The following PRKAR1A variants were observed in gnomAD, a reference collection of about 807,000 sequenced individuals.
The protein encoded by PRKAR1A is protein kinase cAMP-dependent type I regulatory subunit alpha.
A neutral mutation model predicts 52.0 loss-of-function variants in PRKAR1A; 3 were observed. That is an observed-to-expected ratio of 0.06 (90% CI 0.03 to 0.15). PRKAR1A has a LOEUF of 0.15. Among genes scored for constraint, PRKAR1A ranks in the 10% least tolerant of loss-of-function variants. The probability of loss-of-function intolerance (pLI) is 1.00; values close to 1 mark genes in which losing one functional copy is unlikely to be tolerated. For missense variants in PRKAR1A, 240 were observed against 477.4 expected (o/e 0.50, Z 4.63); for synonymous variants, 188 against 168.4 (o/e 1.12, Z -0.90).
the PRKAR1A span, chr17:68,426,253 G>GGCCCCCCCC: frequency 1.2e-6 from 1 of 841,012 alleles, no homozygotes; most frequent in East Asian, 3.4e-5. Flanking sequence ...GGGGAGCGGG[G>GGCCCCCCCC]GCTCAAATAA....
Position 68,530,789 on chromosome 17 carries a change from G to A in PRKAR1A, c.*340G>A. The A allele has an allele frequency of 1.6e-6, 2 of 1,266,786 alleles. No individual in the cohort carries two copies. Among genetic ancestry groups the A allele is most frequent in the Non-Finnish European group, 2.0e-6 (2 of 995,306 alleles). 78.5% of individuals were successfully genotyped at this position (1,266,786 alleles called of 1,614,324 possible). On this transcript the variant is annotated 3_prime_UTR_variant, in exon 11 of 11. Coordinates refer to ENST00000589228, the MANE Select transcript of PRKAR1A (RefSeq NM_002734.5). ...ATTACCATAGAGTAATGATGTAACA[G>A]TGCAAGATTTTTTTTTTAAGTGACA...
the PRKAR1A span, chr17:68,424,306 C>A: frequency 2.4e-6 from 1 of 419,382 alleles, no homozygotes; most frequent in Non-Finnish European, 4.8e-6. Context: ...ACCCGCAGAG[C>A]CGATGTGGGA....
the PRKAR1A span, among the ~76,000 whole-genome samples, chr17:68,446,294 C>T: frequency 6.6e-6 from 1 of 152,168 alleles, no homozygotes; most frequent in African/African-American, 2.4e-5. Flanking sequence ...CATTTTCCCA[C>T]CCCAGCCTCT....
chr17:68,525,728 C>G, intron 6 of PRKAR1A, 26 bp from the exon 7 acceptor site: 3 of 1,612,506 alleles, frequency 1.9e-6, no homozygotes, highest in Non-Finnish European at 2.5e-6. Flanking sequence ...AGAAAATAAA[C>G]TTTTTTGATG....
chr17:68,426,769 C>T, the PRKAR1A span, among the ~76,000 whole-genome samples: 1 of 152,152 alleles, frequency 6.6e-6, no homozygotes, highest in South Asian at 2.1e-4. Context: ...CCCTGGCCTC[C>T]AGTGATCCGC....
the PRKAR1A span, chr17:68,421,665 CT>C: frequency 6.6e-7 from 1 of 1,509,570 alleles, no homozygotes; most frequent in South Asian, 1.1e-5. Context: ...CCCGGGATTC[CT>C]GCCCCCCTTT....
the PRKAR1A span, among the ~76,000 whole-genome samples, chr17:68,494,457 G>A: frequency 1.3e-5 from 2 of 152,054 alleles, no homozygotes; most frequent in East Asian, 1.9e-4. Flanking sequence ...CATGAGAATC[G>A]CTTGAACCCA....
the PRKAR1A span, chr17:68,420,499 G>A: frequency 6.3e-7 from 1 of 1,592,016 alleles, no homozygotes; most frequent in East Asian, 2.2e-5. Flanking sequence ...GGAGTACCTG[G>A]AAATTAGGCA....
At chr17:68,536,321 T>C (rs1455397211), downstream of PRKAR1A, 1 of 454,110 alleles carries the variant, frequency 2.2e-6, no homozygotes. Context: ...TTTTGTTGAC[T>C]GACTAGTCAC....
the PRKAR1A span, among the ~76,000 whole-genome samples, chr17:68,467,302 G>A: frequency 6.6e-6 from 1 of 152,098 alleles, no homozygotes; most frequent in African/African-American, 2.4e-5. Flanking sequence ...TGGGTCACCT[G>A]GTAATTCTAT....
chr17:68,523,282 C>T (rs933340536), intron 3 of PRKAR1A, among the ~76,000 whole-genome samples: 1 of 152,116 alleles, frequency 6.6e-6, no homozygotes, highest in Non-Finnish European at 1.5e-5. Flanking sequence ...CCTCATTTGT[C>T]CTGTGTTCTC....
the PRKAR1A span, among the ~76,000 whole-genome samples, chr17:68,440,377 T>C: frequency 6.6e-6 from 1 of 152,210 alleles, no homozygotes; most frequent in East Asian, 1.9e-4. Context: ...TCTGCCAGTC[T>C]CCTCTTTCTG....
chr17:68,524,846 G>C lies in PRKAR1A; in HGVS notation c.503-66G>C. 4.7e-6 allele frequency: 6 copies of C among 1,278,686 alleles called. No individual in the cohort carries two copies. In the Admixed American group the frequency reaches 1.0e-4, roughly 22 times the overall value. 79.2% of individuals were successfully genotyped at this position (1,278,686 alleles called of 1,614,324 possible). ...CACTGTAAAATAAGTTTATTGTTTT[G>C]TAATAATTTTGATAATTTCTTTCTT... On this transcript the variant is annotated intron_variant, in intron 5 of 10. Transcript: ENST00000589228.
In PRKAR1A at chr17:68,529,869, C is replaced by T. The variant is rs776505015; in HGVS notation, c.892-51C>T. ...TTGCATAGGATGTTTAAGGTGCCAC[C>T]CTGGGTTTGAGAGTGTGTGTTTGTT... On this transcript the variant is annotated intron_variant, in intron 9 of 10. Transcript: ENST00000589228. 3.2e-6 allele frequency: 5 copies of T among 1,564,192 alleles called. No individual in the cohort carries two copies. In the Admixed American group the frequency reaches 8.3e-5, roughly 26 times the overall value.
At chr17:68,486,501 CCTTCCT>C in the PRKAR1A span, among the ~76,000 whole-genome samples, 5 of 43,340 alleles carry the variant, frequency 1.2e-4, no homozygotes, top group African/African-American at 4.2e-4. Context: ...TTCCTTCCTT[CCTTCCT>C]TCTTTCTTTC....
downstream of PRKAR1A, chr17:68,537,297 G>T: frequency 1.2e-6 from 1 of 817,226 alleles, no homozygotes; most frequent in Non-Finnish European, 2.0e-6. The surrounding 1 kb of genome is among the most constrained non-coding windows in gnomAD (Gnocchi z 4.2). Flanking sequence ...CAGAAGCGGT[G>T]CACCAAGGAG....
the PRKAR1A span, among the ~76,000 whole-genome samples, chr17:68,482,670 C>T: frequency 7.9e-5 from 12 of 152,046 alleles, no homozygotes; most frequent in Non-Finnish European, 7.4e-5. Flanking sequence ...AAATATTGCC[C>T]GTACAATAAA....
At chr17:68,457,214 G>T in the PRKAR1A span, 1 of 1,144,430 alleles carries the variant, frequency 8.7e-7, no homozygotes, top group Non-Finnish European at 1.2e-6. Flanking sequence ...CAATGCGTCC[G>T]AAGCAGACAC....
the PRKAR1A span, chr17:68,436,371 C>T: frequency 3.1e-5 from 50 of 1,612,856 alleles, no homozygotes; most frequent in Non-Finnish European, 4.0e-5. Context: ...GCCAGGTCAC[C>T]GTCAACTTAC....
Sources: gnomAD v4.1 joint callset for allele counts (sites outside exome capture counted in the v4.1 genomes callset) on GRCh38, gnomAD v4.1.1 for gene constraint, Gnocchi (gnomAD v3.1) non-coding constraint, MANE v1.5 for transcripts, NCBI Gene and HGNC (gene_info 2026-07-23, HGNC 2026-07-21) for gene names.